Variants in EXT1 observed in about 807,000 individuals in gnomAD.
EXT1 encodes exostosin-1.
Under a neutral mutation model 82.5 loss-of-function variants are expected in EXT1, and 20 were observed. The ratio of observed to expected loss-of-function variants is 0.24; its 90% CI spans 0.17 to 0.35. The LOEUF (loss-of-function observed/expected upper bound fraction) is 0.35, where lower values mean the gene tolerates loss of function less well. Among genes scored for constraint, EXT1 ranks in the 10% least tolerant of loss-of-function variants. EXT1 has a pLI of 1.00. For synonymous variants in EXT1, 348 were observed against 350.8 expected (o/e 0.99, Z 0.09); for missense variants, 757 against 936.5 (o/e 0.81, Z 2.50).
At chr8:118,043,245 G>A (rs888844747) in intron 1 of EXT1, among the ~76,000 whole-genome samples, 1 of 152,188 alleles carries the variant, frequency 6.6e-6, no homozygotes, top group African/African-American at 2.4e-5. Flanking sequence ...TACAGTCCAC[G>A]TGGGCCATGG....
At position 118,110,085 on chromosome 8, in the gene EXT1, T is replaced by G; in HGVS notation, c.962A>C (p.Lys321Thr). Residue 321 changes from lysine (K) to threonine (T), a missense_variant and splice_region_variant, in exon 1 of 11, where the codon AAG (lysine) becomes ACG (threonine). Lys to Thr is a moderately conservative substitution (Grantham distance 78, BLOSUM62 -1). Around this residue, in one of 4 missense-constraint regions of EXT1, gnomAD observed 247 missense variants for 330.1 expected, o/e 0.75. Transcript: ENST00000378204. ...RCDRDNTEYE[K>T]YDYREMLHNA... Reference sequence around the variant, plus strand: ...AAGACACGCCAGCCCAGACACTTACTTCTCATACTCGGTGTTGTCTCTGTC... The same window carrying G: ...AAGACACGCCAGCCCAGACACTTACGTCTCATACTCGGTGTTGTCTCTGTC... 1 of 1,614,018 alleles carries G rather than the reference T, an allele frequency of 6.2e-7. No individual in the cohort carries two copies. The highest frequency in any genetic ancestry group is 1.1e-5 in the South Asian group (1 of 91,058).
rs1823072310 is a variant in EXT1, at chr8:117,795,179, T to C, written c.*4533A>G. On this transcript the variant is annotated 3_prime_UTR_variant, in exon 11 of 11. Coordinates refer to ENST00000378204, the MANE Select transcript of EXT1 (RefSeq NM_000127.3). ...CCTGAGGGCTCAGCTTTCTCAAGGT[T>C]TGCCTTCTTCTCCTAGTTGCTGGGC... 1 of 152,230 alleles carries C rather than the reference T, an allele frequency of 6.6e-6. No individual in the cohort carries two copies. Among genetic ancestry groups the C allele is most frequent in the Admixed American group, 6.5e-5 (1 of 15,284 alleles). The allele number at this position is 152,230 out of a possible 1,614,324, so 9.4% of individuals were successfully genotyped here.
intron 7 of EXT1, 152 bp from the exon 8 acceptor site, chr8:117,813,113 A>G: frequency 1.4e-6 from 1 of 692,806 alleles, no homozygotes; most frequent in Non-Finnish European, 2.6e-6. Flanking sequence ...CTCATTTCCC[A>G]TCAATGCAGA....
intron 1 of EXT1, among the ~76,000 whole-genome samples, chr8:117,887,757 AT>A: frequency 6.6e-6 from 1 of 152,270 alleles, no homozygotes; most frequent in East Asian, 1.9e-4. Flanking sequence ...CAAGAAACTG[AT>A]AAAATACAAT....
chr8:117,932,665 G>A (rs1007031875), intron 1 of EXT1, among the ~76,000 whole-genome samples: 14 of 152,046 alleles, frequency 9.2e-5, no homozygotes, highest in Non-Finnish European at 1.5e-5. Flanking sequence ...CTGAGCCTTC[G>A]TTTTAGCACA....
chr8:118,095,260 T>C (rs1452652486), intron 1 of EXT1, among the ~76,000 whole-genome samples: 7 of 152,228 alleles, frequency 4.6e-5, no homozygotes, highest in Non-Finnish European at 7.3e-5. Flanking sequence ...TCCTTAGATA[T>C]AGCTAAGTCT....
intron 1 of EXT1, among the ~76,000 whole-genome samples, chr8:118,006,004 G>A (rs1464855072): frequency 6.6e-6 from 1 of 152,226 alleles, no homozygotes; most frequent in African/African-American, 2.4e-5. Context: ...CTATAGGTAA[G>A]AATGCAGGTA....
At chr8:117,943,535 G>T (rs1814328102) in intron 1 of EXT1, among the ~76,000 whole-genome samples, 2 of 152,210 alleles carry the variant, frequency 1.3e-5, no homozygotes, top group African/African-American at 4.8e-5. Context: ...ACTGCTGGGT[G>T]AAAGAAGCAC....
chr8:117,893,110 G>C (rs183066671), intron 1 of EXT1, among the ~76,000 whole-genome samples: 2 of 152,226 alleles, frequency 1.3e-5, no homozygotes, highest in Admixed American at 6.5e-5. Flanking sequence ...GTATATGTGC[G>C]TGTGCACAGA....
intron 1 of EXT1, among the ~76,000 whole-genome samples, chr8:118,028,362 T>C (rs1816240354): frequency 6.6e-6 from 1 of 152,220 alleles, no homozygotes; most frequent in South Asian, 2.1e-4. Context: ...AGAAAATTGA[T>C]GCATAAAAGA....
At chr8:117,920,966 C>A (rs558044599) in intron 1 of EXT1, among the ~76,000 whole-genome samples, 1 of 152,238 alleles carries the variant, frequency 6.6e-6, no homozygotes, top group East Asian at 1.9e-4. Context: ...CCTCCCTAAA[C>A]ATACAGGATG....
At chr8:117,827,526 G>A (rs1423332242) in intron 4 of EXT1, among the ~76,000 whole-genome samples, 1 of 151,956 alleles carries the variant, frequency 6.6e-6, no homozygotes, top group Non-Finnish European at 1.5e-5. Flanking sequence ...AGAAAGAAAT[G>A]TATTGGGGCT....
chr8:117,837,942 T>A (rs1008043156), intron 1 of EXT1, among the ~76,000 whole-genome samples: 1 of 152,116 alleles, frequency 6.6e-6, no homozygotes, highest in Admixed American at 6.5e-5. Context: ...TACCATTTAA[T>A]GATATTACAT....
intron 1 of EXT1, among the ~76,000 whole-genome samples, chr8:117,913,784 C>G (rs1378670040): frequency 6.6e-6 from 1 of 152,120 alleles, no homozygotes; most frequent in African/African-American, 2.4e-5. Context: ...CAAAATAATT[C>G]CACAAACATT....
intron 1 of EXT1, among the ~76,000 whole-genome samples, chr8:118,060,824 T>A (rs2129942175): frequency 6.6e-6 from 1 of 152,286 alleles, no homozygotes; most frequent in South Asian, 2.1e-4. Flanking sequence ...CACCAAAGCA[T>A]TTGGAGCACA....
chr8:118,010,778 A>G (rs1815883685), intron 1 of EXT1, among the ~76,000 whole-genome samples: 1 of 151,758 alleles, frequency 6.6e-6, no homozygotes, highest in African/African-American at 2.4e-5. Flanking sequence ...ATGTTTAAGG[A>G]CTCTCTTGGC....
chr8:117,855,180 A>G (rs955649754), intron 1 of EXT1, among the ~76,000 whole-genome samples: 11 of 152,210 alleles, frequency 7.2e-5, no homozygotes, highest in Admixed American at 2.0e-4. Context: ...TCAAACCTAA[A>G]ACACCAAACT....
chr8:117,947,270 A>G (rs1814408493), intron 1 of EXT1, among the ~76,000 whole-genome samples: 1 of 152,212 alleles, frequency 6.6e-6, no homozygotes, highest in South Asian at 2.1e-4. Flanking sequence ...TCAGAGCTCA[A>G]ACACATAAAT....
Position 117,870,823 on chromosome 8 carries a change from T to TCTCACACACACACACA in EXT1, c.963-33623_963-33622insTGTGTGTGTGTGTGAG, listed in dbSNP as rs150568638. 3.9e-3 allele frequency among the ~76,000 whole-genome samples: 568 copies of TCTCACACACACACACA among 146,862 alleles called. 4 individuals carry two copies. The highest frequency in any genetic ancestry group is 0.014 in the African/African-American group (540 of 38,812). ...CAGTGGGTATACCATAAATGCTTTGTCACACACACACACACACACACACAC... is the reference window on the plus strand; with the variant it reads ...CAGTGGGTATACCATAAATGCTTTGTCTCACACACACACACACACACACACACACACACACACACAC... On this transcript the variant is annotated intron_variant, in intron 1 of 10. Transcript: ENST00000378204.
Sources: gnomAD v4.1 joint callset for allele counts (sites outside exome capture counted in the v4.1 genomes callset) on GRCh38, gnomAD v4.1.1 for gene constraint, gnomAD v4.1.1 regional missense constraint, MANE v1.5 for transcripts, NCBI Gene and HGNC (gene_info 2026-07-23, HGNC 2026-07-21) for gene names.